Variants in BRAF observed in about 807,000 individuals in gnomAD.
The protein encoded by BRAF is serine/threonine-protein kinase B-raf.
BRAF carries 16 observed loss-of-function variants against 104.6 expected under a neutral mutation model. The ratio of observed to expected loss-of-function variants is 0.15; its 90% CI spans 0.10 to 0.23. The LOEUF (loss-of-function observed/expected upper bound fraction) is 0.23. BRAF is among the 10% of genes least tolerant of loss of function. The probability of loss-of-function intolerance (pLI) is 1.00; values close to 1 mark genes in which losing one functional copy is unlikely to be tolerated. For missense variants in BRAF, 541 were observed against 937.3 expected (o/e 0.58, Z 5.52); for synonymous variants, 310 against 341.6 (o/e 0.91, Z 1.02).
intron 19 of BRAF, among the ~76,000 whole-genome samples, chr7:140,727,177 ATT>A (rs71737205): frequency 1.4e-4 from 16 of 110,690 alleles, no homozygotes; most frequent in African/African-American, 2.9e-4. Flanking sequence ...TCATGCCATT[ATT>A]TTTTTCTTTT....
At chr7:140,754,960 A>G (rs575339255) in intron 14 of BRAF, among the ~76,000 whole-genome samples, 1 of 152,322 alleles carries the variant, frequency 6.6e-6, no homozygotes, top group African/African-American at 2.4e-5. Flanking sequence ...AAAATCATCT[A>G]TGTTACCCCT....
intron 5 of BRAF, 68 bp downstream of exon 5, chr7:140,807,891 TA>T: frequency 7.8e-7 from 1 of 1,284,420 alleles, no homozygotes. Context: ...TCACATTCCC[TA>T]AATAAAAATT....
At chr7:140,909,837 A>G (rs1366622131) in intron 1 of BRAF, among the ~76,000 whole-genome samples, 1 of 148,478 alleles carries the variant, frequency 6.7e-6, no homozygotes, top group Non-Finnish European at 1.5e-5. Flanking sequence ...CAACAACAAC[A>G]ACAACAACAA....
chr7:140,809,608 C>A (rs1393129090), intron 3 of BRAF, among the ~76,000 whole-genome samples: 2 of 152,162 alleles, frequency 1.3e-5, no homozygotes, highest in Non-Finnish European at 2.9e-5. Flanking sequence ...GTTTCCCATA[C>A]CCCCGGCAAG....
intron 2 of BRAF, among the ~76,000 whole-genome samples, chr7:140,837,952 C>A (rs1807521018): frequency 6.6e-6 from 1 of 152,142 alleles, no homozygotes; most frequent in Admixed American, 6.5e-5. Flanking sequence ...GGGCCTTAGT[C>A]TACCATTCCC....
In BRAF at chr7:140,813,531, G is replaced by GC. The variant is rs575479088; in HGVS notation, c.505-4537dup. 2.8e-4 allele frequency among the ~76,000 whole-genome samples: 42 copies of GC among 152,208 alleles called. No individual in the cohort carries two copies. In the East Asian group the frequency reaches 8.1e-3, roughly 29 times the overall value. On this transcript the variant is annotated intron_variant, in intron 3 of 19. Transcript: ENST00000644969. ...TTCTGGGAATCTATCTCACAGATAT[G>GC]CCTGCAATACATAAGAATAATGTAT...
chr7:140,820,582 C>T (rs1320546786), intron 3 of BRAF, among the ~76,000 whole-genome samples: 1 of 152,074 alleles, frequency 6.6e-6, no homozygotes, highest in Admixed American at 6.5e-5. Context: ...GTCCCTTTTT[C>T]TTGTCCCAGG....
chr7:140,770,864 C>T lies in BRAF; in HGVS notation c.1814+6048G>A, dbSNP rs972669528. On this transcript the variant is annotated intron_variant, in intron 14 of 19. Coordinates refer to ENST00000644969, the MANE Select transcript of BRAF (RefSeq NM_001374258.1). ...AGGAGAATCGCTTGAACCTGAGAGG[C>T]GGAGGTTTCAGTGAGCCAAGGTCGT... Among the ~76,000 whole-genome samples, 9 of 143,442 alleles carry T rather than the reference C, an allele frequency of 6.3e-5. No homozygotes were observed. The East Asian group carries it at 1.7e-3, about 28-fold the overall frequency. The allele number at this position is 143,442 out of a possible 152,430, so 94.1% of individuals were successfully genotyped here. A position where few individuals can be genotyped will look rare whatever the true frequency, so the allele number is the denominator to read the frequency against.
chr7:140,739,516 T>G (rs897029718), intron 18 of BRAF, among the ~76,000 whole-genome samples: 2 of 93,116 alleles, frequency 2.1e-5, no homozygotes, highest in Non-Finnish European at 1.9e-5. Context: ...CAAAAGCTCT[T>G]TGTGGGGGGG....
At chr7:140,777,157 C>T (rs1187181944) in intron 13 of BRAF, 69 bp from the exon 13 acceptor site, 14 of 1,507,218 alleles carry the variant, frequency 9.3e-6, no homozygotes, top group Non-Finnish European at 1.3e-5. Flanking sequence ...AAAAGAGAAC[C>T]AAAGTAGTCT....
At chr7:140,916,875 G>C (rs1817687806) in intron 1 of BRAF, among the ~76,000 whole-genome samples, 1 of 152,110 alleles carries the variant, frequency 6.6e-6, no homozygotes. Flanking sequence ...TTCTCAACTG[G>C]ACCTACCTGA....
Position 140,725,421 on chromosome 7 carries a change from G to A in BRAF, c.*1073C>T. The A allele has an allele frequency of 1.1e-6, 1 of 950,804 alleles. No individual in the cohort carries two copies. Among genetic ancestry groups the A allele is most frequent in the Non-Finnish European group, 1.3e-6 (1 of 781,770 alleles). 58.9% of individuals were successfully genotyped at this position (950,804 alleles called of 1,614,324 possible). On this transcript the variant is annotated 3_prime_UTR_variant, in exon 20 of 20. Transcript: ENST00000644969. ...TCAGGATATATAATTCTGGTGGGAA[G>A]TATTGTTTTTTTCCAATTCAATTAA...
At chr7:140,759,447 C>T (rs1307534319) in intron 14 of BRAF, among the ~76,000 whole-genome samples, 1 of 152,204 alleles carries the variant, frequency 6.6e-6, no homozygotes, top group Non-Finnish European at 1.5e-5. Flanking sequence ...AGTGCAATGG[C>T]ACGATTTTGG....
chr7:140,756,902 A>T (rs1798248276), intron 14 of BRAF, among the ~76,000 whole-genome samples: 2 of 152,224 alleles, frequency 1.3e-5, no homozygotes, highest in Admixed American at 1.3e-4. Context: ...CACTACTTCA[A>T]GCTCTTATCC....
intron 14 of BRAF, among the ~76,000 whole-genome samples, chr7:140,769,058 A>C (rs1047623540): frequency 2.6e-5 from 4 of 151,682 alleles, no homozygotes; most frequent in African/African-American, 9.8e-5. Context: ...TATAGTAAAG[A>C]AAATGGACTA....
chr7:140,762,177 A>AT (rs1234203234), intron 14 of BRAF, among the ~76,000 whole-genome samples: 1 of 152,228 alleles, frequency 6.6e-6, no homozygotes, highest in African/African-American at 2.4e-5. Flanking sequence ...AACAGAAATT[A>AT]TAACAAACTG....
At chr7:140,802,801 T>A (rs1208392191) in intron 5 of BRAF, among the ~76,000 whole-genome samples, 1 of 152,166 alleles carries the variant, frequency 6.6e-6, no homozygotes, top group African/African-American at 2.4e-5. Context: ...CTTTATAAAC[T>A]TTTTAAAAAG....
In BRAF at chr7:140,769,486, A is replaced by G. The variant is rs189206649; in HGVS notation, c.1814+7426T>C. Among the ~76,000 whole-genome samples, 202 of 152,326 alleles carry G rather than the reference A, an allele frequency of 1.3e-3. 1 individual carries two copies. The highest frequency in any genetic ancestry group is 2.1e-3 in the Non-Finnish European group (145 of 68,032). ...TCAGTACTTTTACATATATACATAC[A>G]CACCACTTTTTAAAGCCCAAATGTA... On this transcript the variant is annotated intron_variant, in intron 14 of 19. Coordinates refer to ENST00000644969, the MANE Select transcript of BRAF (RefSeq NM_001374258.1).
rs71645966 is a variant in BRAF at position 140,783,306 on chromosome 7, G to C, written c.1298-149C>G. On this transcript the variant is annotated intron_variant, in intron 10 of 19. Transcript: ENST00000644969. ...CTTTTGGAAAGGATGGGCCAAAAAG[G>C]GGCCTCATTTGGTGATTACAACTAT... 86 of 928,450 alleles carry C rather than the reference G, an allele frequency of 9.3e-5. No individual in the cohort carries two copies. In the African/African-American group the frequency reaches 1.3e-3, roughly 14 times the overall value. The allele number at this position is 928,450 out of a possible 1,614,324, so 57.5% of individuals were successfully genotyped here.
Sources: gnomAD v4.1 joint callset for allele counts (sites outside exome capture counted in the v4.1 genomes callset) on GRCh38, gnomAD v4.1.1 for gene constraint, MANE v1.5 for transcripts, NCBI Gene and HGNC (gene_info 2026-07-23, HGNC 2026-07-21) for gene names.